DNAH14: variants seen among roughly 807,000 people sequenced by gnomAD.
DNAH14 encodes the protein axonemal beta dynein heavy chain 14.
Under a neutral mutation model 520.9 loss-of-function variants are expected in DNAH14, and 478 were observed. The ratio of observed to expected loss-of-function variants is 0.92; its 90% CI spans 0.85 to 0.99. The LOEUF (loss-of-function observed/expected upper bound fraction) is 0.99. Ranked by LOEUF, DNAH14 falls within the 50% of genes least tolerant of loss-of-function variation. The probability of loss-of-function intolerance (pLI) is 0.00; values close to 1 mark genes in which losing one functional copy is unlikely to be tolerated. For missense variants in DNAH14, 4,831 were observed against 5,234.5 expected (o/e 0.92, Z 2.38); for synonymous variants, 1,581 against 1,757.2 (o/e 0.90, Z 2.51).
chr1:225,106,940 G>A (rs2076108822), intron 23 of DNAH14, among the ~76,000 whole-genome samples: 1 of 152,142 alleles, frequency 6.6e-6, no homozygotes, highest in African/African-American at 2.4e-5. Context: ...CGTTTCTTTG[G>A]AGGAGAGGCG....
intron 1 of DNAH14, among the ~76,000 whole-genome samples, chr1:224,949,929 C>T (rs2060067665): frequency 6.6e-6 from 1 of 151,960 alleles, no homozygotes; most frequent in African/African-American, 2.4e-5. Context: ...AATTTTTGTT[C>T]TTCTTATGGA....
Position 225,185,417 on chromosome 1 carries a change from G to T in DNAH14, c.5662G>T (p.Ala1888Ser). ...CTTATCAGTTGCAGAAAGAAAATCT[G>T]CTTCAAAGGTAAATGTTCTGTTAAA... is the stretch of plus-strand genomic sequence containing the variant. The part of the protein sequence containing the change: ...DFLSVAERKS[A>S]SKISERKGKV... Residue 1888 changes from alanine to serine, a missense_variant, in exon 37 of 86, where the codon GCT (alanine) becomes TCT (serine). Coordinates refer to ENST00000682510, the MANE Select transcript of DNAH14 (RefSeq NM_001367479.1). 6.5e-7 allele frequency: 1 copy of T among 1,528,504 alleles called. No homozygotes were observed. The highest frequency in any genetic ancestry group is 8.8e-7 in the Non-Finnish European group (1 of 1,138,650). 94.7% of individuals were successfully genotyped at this position (1,528,504 alleles called of 1,614,324 possible).
At chr1:225,131,891 C>A (rs1324736693) in intron 27 of DNAH14, among the ~76,000 whole-genome samples, 3 of 151,990 alleles carry the variant, frequency 2.0e-5, no homozygotes, top group Non-Finnish European at 4.4e-5. Context: ...CAAGGAAAGA[C>A]TCCAAGAAAC....
chr1:224,966,509 C>G (rs1024189728), intron 5 of DNAH14, among the ~76,000 whole-genome samples: 1 of 151,740 alleles, frequency 6.6e-6, no homozygotes, highest in Admixed American at 6.6e-5. Flanking sequence ...ATAAATTTTC[C>G]TTAAAATTTT....
chr1:225,188,532 C>T (rs1490148354), intron 37 of DNAH14, among the ~76,000 whole-genome samples: 1 of 151,934 alleles, frequency 6.6e-6, no homozygotes, highest in Non-Finnish European at 1.5e-5. Context: ...TCTGTAATAT[C>T]TGTGGTTTCA....
At chr1:225,057,703 A>G (rs2069329822) in intron 17 of DNAH14, among the ~76,000 whole-genome samples, 1 of 152,220 alleles carries the variant, frequency 6.6e-6, no homozygotes, top group African/African-American at 2.4e-5. Flanking sequence ...GATATGTCCC[A>G]TCAATACCTA....
intron 17 of DNAH14, among the ~76,000 whole-genome samples, chr1:225,055,247 G>A (rs562429654): frequency 2.6e-5 from 4 of 152,132 alleles, no homozygotes; most frequent in African/African-American, 7.2e-5. Context: ...GAATGGTGTC[G>A]TTTTCTAATT....
intron 8 of DNAH14, among the ~76,000 whole-genome samples, chr1:224,977,127 G>A (rs976449007): frequency 2.6e-5 from 4 of 151,872 alleles, no homozygotes; most frequent in Non-Finnish European, 5.9e-5. Context: ...AGAAAATGTG[G>A]CACATATACA....
At chr1:225,379,151 G>A (rs1180242421) in intron 79 of DNAH14, among the ~76,000 whole-genome samples, 1 of 152,184 alleles carries the variant, frequency 6.6e-6, no homozygotes, top group Non-Finnish European at 1.5e-5. Context: ...TGATTAAGAA[G>A]CCCTTCGTGT....
At chr1:225,237,211 A>G (rs1021504741) in intron 42 of DNAH14, among the ~76,000 whole-genome samples, 1 of 152,110 alleles carries the variant, frequency 6.6e-6, no homozygotes, top group African/African-American at 2.4e-5. Context: ...TCATAGTGTC[A>G]CTGGCCTGTG....
At chr1:224,964,434 C>T in intron 4 of DNAH14, 45 bp from the exon 5 acceptor site, 1 of 1,553,680 alleles carries the variant, frequency 6.4e-7, no homozygotes, top group South Asian at 1.3e-5. Context: ...TTAAGTGATG[C>T]CCACATTTGC....
chr1:225,088,781 A>G (rs2074058541), intron 21 of DNAH14, among the ~76,000 whole-genome samples: 1 of 152,230 alleles, frequency 6.6e-6, no homozygotes, highest in Non-Finnish European at 1.5e-5. Flanking sequence ...CAGATTCTGT[A>G]GATATAAAAT....
chr1:225,207,551 G>A (rs1196642502), intron 41 of DNAH14, among the ~76,000 whole-genome samples: 1 of 152,156 alleles, frequency 6.6e-6, no homozygotes, highest in Non-Finnish European at 1.5e-5. Flanking sequence ...AATTCCAGGT[G>A]TAAGTTGTAA....
chr1:225,285,409 A>G (rs1484252220), intron 54 of DNAH14, among the ~76,000 whole-genome samples: 2 of 152,072 alleles, frequency 1.3e-5, no homozygotes, highest in African/African-American at 2.4e-5. Flanking sequence ...TTAGCTGGGC[A>G]TGGTGGCACA....
chr1:224,941,031 C>T (rs2059386363), intron 1 of DNAH14, among the ~76,000 whole-genome samples: 1 of 152,132 alleles, frequency 6.6e-6, no homozygotes, highest in Admixed American at 6.6e-5. Flanking sequence ...TGGGTATATA[C>T]CCAGTAATGG....
At chr1:225,049,386 TG>T (rs144616138) in intron 15 of DNAH14, among the ~76,000 whole-genome samples, 6,308 of 152,046 alleles carry the variant, frequency 0.041, 211 homozygotes, top group Non-Finnish European at 0.061. Context: ...TTGGGGTTTT[TG>T]TTTTCTTATT....
rs1463854596 is a variant in DNAH14, at chr1:225,300,993, T to C, written c.8594T>C (p.Met2865Thr). ...TATCTTACTGAACAATCTGGTCATA[T>C]GGATAATAGGCAATCTTTACTTTCA... The part of the protein sequence containing the change: ...IRYLTEQSGH[M>T]DNRQSLLSFF... The change falls in exon 56 of 86, where the codon ATG becomes ACG. Residue 2865 changes from methionine (M) to threonine (T), a missense_variant. Met to Thr is a moderately conservative substitution (Grantham distance 81). Transcript: ENST00000682510. 6.5e-7 allele frequency: 1 copy of C among 1,550,340 alleles called. No individual in the cohort carries two copies. The highest frequency in any genetic ancestry group is 8.7e-7 in the Non-Finnish European group (1 of 1,146,680).
chr1:225,256,061 A>G (rs1413399010), intron 44 of DNAH14, among the ~76,000 whole-genome samples: 1 of 152,230 alleles, frequency 6.6e-6, no homozygotes, highest in African/African-American at 2.4e-5. Flanking sequence ...GGAATTAGAG[A>G]TAGAAATTTG....
chr1:225,105,593 A>C (rs1045538693), intron 23 of DNAH14, among the ~76,000 whole-genome samples: 4 of 152,238 alleles, frequency 2.6e-5, no homozygotes, highest in Non-Finnish European at 4.4e-5. Context: ...ATATATATTT[A>C]GGATAGTTAG....
Sources: allele counts gnomAD v4.1 joint callset (sites outside exome capture counted in the v4.1 genomes callset), GRCh38; gene constraint gnomAD v4.1.1; transcripts MANE v1.5; gene names NCBI Gene and HGNC (gene_info 2026-07-23, HGNC 2026-07-21).